The following CCBE1 variants were observed in gnomAD, a reference collection of about 807,000 sequenced individuals.
The protein encoded by CCBE1 is collagen and calcium-binding EGF domain-containing protein 1.
Under a neutral mutation model 50.0 loss-of-function variants are expected in CCBE1, and 37 were observed. The observed-to-expected ratio is 0.74, with a 90% CI of 0.57 to 0.97. The LOEUF is 0.97. Among genes scored for constraint, CCBE1 ranks in the 50% least tolerant of loss-of-function variants. The pLI, the probability that CCBE1 is intolerant of heterozygous loss-of-function variation, is 0.00. For missense variants in CCBE1, 538 were observed against 523.8 expected (o/e 1.03, Z -0.26); for synonymous variants, 234 against 203.7 (o/e 1.15, Z -1.27).
intron 2 of CCBE1, among the ~76,000 whole-genome samples, chr18:59,482,976 G>A (rs535043926): frequency 1.3e-4 from 19 of 151,936 alleles, no homozygotes; most frequent in Non-Finnish European, 2.5e-4. Context: ...TTGTGTTTGG[G>A]CATGCTTTCT....
chr18:59,659,009 T>C (rs556272026), intron 2 of CCBE1, among the ~76,000 whole-genome samples: 175 of 151,998 alleles, frequency 1.2e-3, no homozygotes, highest in African/African-American at 3.8e-3. Context: ...CTAATCTCCA[T>C]TTCCATCAGC....
intron 2 of CCBE1, among the ~76,000 whole-genome samples, chr18:59,495,486 G>C (rs868391008): frequency 4.0e-5 from 6 of 148,622 alleles, no homozygotes; most frequent in Middle Eastern, 3.3e-3. Context: ...TGGCATCCTT[G>C]ACATCACTTC....
chr18:59,471,209 C>T (rs1912019751), intron 3 of CCBE1, among the ~76,000 whole-genome samples: 1 of 152,176 alleles, frequency 6.6e-6, no homozygotes, highest in African/African-American at 2.4e-5. Context: ...AAGGCAGTTC[C>T]CTGTCTCTCC....
Position 59,618,832 on chromosome 18 carries a change from A to G in CCBE1, c.212+77797T>C, listed in dbSNP as rs553730774. Among the ~76,000 whole-genome samples, 122 of 137,106 alleles carry G rather than the reference A, an allele frequency of 8.9e-4. 1 individual carries two copies. Among genetic ancestry groups the G allele is most frequent in the Middle Eastern group, 3.8e-3 (1 of 264 alleles). The allele number at this position is 137,106 out of a possible 152,430, so 89.9% of individuals were successfully genotyped here. A position where few individuals can be genotyped will look rare whatever the true frequency, so the allele number is the denominator to read the frequency against. Reference sequence around the variant, plus strand: ...CAGAATTTATTATGTACATCTGTAAACTACCCAGTTTTTTTTTAATAACTA... The same window carrying G: ...CAGAATTTATTATGTACATCTGTAAGCTACCCAGTTTTTTTTTAATAACTA... On this transcript the variant is annotated intron_variant, in intron 2 of 10. Coordinates refer to ENST00000439986, the MANE Select transcript of CCBE1 (RefSeq NM_133459.4).
Position 59,509,664 on chromosome 18 carries a change from AAAG to A in CCBE1, c.213-29429_213-29427del, listed in dbSNP as rs1163110282. Among the ~76,000 whole-genome samples, 7 of 152,314 alleles carry A rather than the reference AAAG, an allele frequency of 4.6e-5. No individual in the cohort carries two copies. In the South Asian group the frequency reaches 8.3e-4, roughly 18 times the overall value. ...TAAGTTGACAGCAGCACACCACATAAAAGAAGAACTTCAGTGCCCGGTGGAAAC... is the reference window on the plus strand; with the variant it reads ...TAAGTTGACAGCAGCACACCACATAAAAGAACTTCAGTGCCCGGTGGAAAC... On this transcript the variant is annotated intron_variant, in intron 2 of 10. Coordinates refer to ENST00000439986, the MANE Select transcript of CCBE1 (RefSeq NM_133459.4).
chr18:59,493,256 A>G (rs192526566), intron 2 of CCBE1, among the ~76,000 whole-genome samples: 11 of 152,352 alleles, frequency 7.2e-5, no homozygotes, highest in South Asian at 4.1e-4. Context: ...CCTCACATGC[A>G]TAAAATCCTC....
At chr18:59,436,332 CT>C (rs1232434056) in intron 10 of CCBE1, among the ~76,000 whole-genome samples, 191 bp from the exon 11 acceptor site, 1 of 152,168 alleles carries the variant, frequency 6.6e-6, no homozygotes, top group Non-Finnish European at 1.5e-5. Flanking sequence ...CACTTCTCAG[CT>C]GAGCTTTGGT....
At chr18:59,445,013 G>A (rs1410947856) in intron 7 of CCBE1, among the ~76,000 whole-genome samples, 3 of 151,950 alleles carry the variant, frequency 2.0e-5, no homozygotes, top group Non-Finnish European at 4.4e-5. Flanking sequence ...CCTGTTGATT[G>A]TTTGATTTGA....
intron 2 of CCBE1, among the ~76,000 whole-genome samples, chr18:59,509,650 C>T (rs567182146): frequency 1.4e-4 from 21 of 152,300 alleles, no homozygotes; most frequent in African/African-American, 5.1e-4. Context: ...AAGTTGACAG[C>T]AGCACACCAC....
chr18:59,583,590 TGAG>T (rs2053119531), intron 2 of CCBE1, among the ~76,000 whole-genome samples: 2 of 152,168 alleles, frequency 1.3e-5, no homozygotes, highest in African/African-American at 4.8e-5. Context: ...AGATTTATTA[TGAG>T]GAGGAAAAAA....
chr18:59,645,985 T>C lies in CCBE1; in HGVS notation c.212+50644A>G, dbSNP rs535982270. 4.6e-5 allele frequency among the ~76,000 whole-genome samples: 7 copies of C among 151,774 alleles called. No homozygotes were observed. In the South Asian group the frequency reaches 8.3e-4, roughly 18 times the overall value. ...GACGGAGCTTGCAGTGAGCCGAGATTGCGCCACTGCAGTCCAGCCTCCTGG... is the reference window on the plus strand; with the variant it reads ...GACGGAGCTTGCAGTGAGCCGAGATCGCGCCACTGCAGTCCAGCCTCCTGG... On this transcript the variant is annotated intron_variant, in intron 2 of 10. Transcript: ENST00000439986.
chr18:59,547,558 G>T (rs900672993), intron 2 of CCBE1, among the ~76,000 whole-genome samples: 1 of 152,142 alleles, frequency 6.6e-6, no homozygotes, highest in African/African-American at 2.4e-5. Context: ...AAAAACTGAA[G>T]GTGACAGATG....
At chr18:59,452,018 T>G (rs1910959968) in intron 6 of CCBE1, among the ~76,000 whole-genome samples, 1 of 152,106 alleles carries the variant, frequency 6.6e-6, no homozygotes, top group African/African-American at 2.4e-5. Context: ...GATATTATGG[T>G]TTAGTGTTGC....
At chr18:59,661,084 A>G (rs1425909283) in intron 2 of CCBE1, among the ~76,000 whole-genome samples, 1 of 152,060 alleles carries the variant, frequency 6.6e-6, no homozygotes, top group East Asian at 1.9e-4. Flanking sequence ...GTCCAACAAT[A>G]TAGAGCTAAC....
At position 59,466,751 on chromosome 18, in the gene CCBE1, GAT is replaced by G; in HGVS notation, c.539_540del (p.Tyr180SerfsTer3). 1.2e-6 allele frequency: 2 copies of G among 1,612,792 alleles called. No homozygotes were observed. The highest frequency in any genetic ancestry group is 8.5e-7 in the Non-Finnish European group (1 of 1,179,542). ...TTGCCCTACTTACCAGTGTCATTGG[GAT>G]ATTTGTCTCCCCTGGTACATGTCTT... is the stretch of plus-strand genomic sequence containing the variant. ...DGKTCTRGDK[Y>X]PNDTGHEKSE... On this transcript the variant is annotated frameshift_variant, in exon 5 of 11. Transcript: ENST00000439986. LOFTEE classifies it high-confidence loss of function.
intron 2 of CCBE1, among the ~76,000 whole-genome samples, chr18:59,492,661 C>G (rs766685699): frequency 2.6e-5 from 4 of 152,170 alleles, no homozygotes; most frequent in African/African-American, 7.2e-5. Flanking sequence ...TGACACCACT[C>G]GGTTGTGCAT....
chr18:59,674,079 T>G (rs572572019), intron 2 of CCBE1, among the ~76,000 whole-genome samples: 1 of 152,314 alleles, frequency 6.6e-6, no homozygotes, highest in South Asian at 2.1e-4. Flanking sequence ...TCCCAGGCTC[T>G]TTTTGGTTGG....
At chr18:59,464,638 C>A (rs1462542568) in intron 5 of CCBE1, among the ~76,000 whole-genome samples, 2 of 152,240 alleles carry the variant, frequency 1.3e-5, no homozygotes, top group Non-Finnish European at 2.9e-5. Flanking sequence ...GTTCCAAAGA[C>A]TTATTTTGCA....
intron 2 of CCBE1, among the ~76,000 whole-genome samples, chr18:59,592,237 A>G (rs1463631644): frequency 1.3e-5 from 2 of 152,228 alleles, no homozygotes; most frequent in Non-Finnish European, 2.9e-5. Context: ...TGCGTCTCGA[A>G]AAAACAAAAT....
Sources: allele counts gnomAD v4.1 joint callset (sites outside exome capture counted in the v4.1 genomes callset), GRCh38; gene constraint gnomAD v4.1.1; transcripts MANE v1.5; gene names NCBI Gene and HGNC (gene_info 2026-07-23, HGNC 2026-07-21).